TBC1D5: variants seen among roughly 807,000 people sequenced by gnomAD.
The protein encoded by TBC1D5 is TBC1 domain family, member 5.
In TBC1D5, 75 loss-of-function variants were observed where a neutral mutation model predicts 100.3. The ratio of observed to expected loss-of-function variants is 0.75; its 90% CI spans 0.62 to 0.91. The LOEUF (loss-of-function observed/expected upper bound fraction) is 0.91. TBC1D5 is among the 40% of genes least tolerant of loss of function. The pLI, the probability that TBC1D5 is intolerant of heterozygous loss-of-function variation, is 0.00. For synonymous variants in TBC1D5, 323 were observed against 325.6 expected, an observed-to-expected ratio of 0.99 and a Z score of 0.09; for missense variants, 910 against 942.4, an observed-to-expected ratio of 0.97 and a Z score of 0.45.
At chr3:17,559,885 G>A (rs891465286) in intron 2 of TBC1D5, among the ~76,000 whole-genome samples, 16 of 152,066 alleles carry the variant, frequency 1.1e-4, no homozygotes, top group Admixed American at 7.2e-4. Context: ...CACCGCGCCC[G>A]GCCAAATCTA....
At chr3:17,706,869 T>A (rs4909011) in intron 1 of TBC1D5, among the ~76,000 whole-genome samples, 2,940 of 151,062 alleles carry the variant, frequency 0.019, 60 homozygotes, top group South Asian at 0.071. Context: ...CTTTTTTTTT[T>A]AAAAAAAGTC....
In TBC1D5 at chr3:17,223,334, C is replaced by T. The variant is rs556806587; in HGVS notation, c.1589-8964G>A. On this transcript the variant is annotated intron_variant, in intron 17 of 21. Transcript: ENST00000253692. The stretch of plus-strand genomic sequence containing the variant: ...ATTTCCCTAGTTTGCCTATTCCCCC[C>T]GCAAAAAAGTCAGAAAATTAGAATA... 3.9e-5 allele frequency among the ~76,000 whole-genome samples: 6 copies of T among 152,100 alleles called. No individual in the cohort carries two copies. The South Asian group carries it at 1.0e-3, about 26-fold the overall frequency.
chr3:17,289,412 C>A lies in TBC1D5; in HGVS notation c.1245+2483G>T, dbSNP rs958209893. 6.6e-5 allele frequency among the ~76,000 whole-genome samples: 10 copies of A among 151,968 alleles called. No individual in the cohort carries two copies. In the East Asian group the frequency reaches 1.7e-3, roughly 26 times the overall value. ...GGCAGAGTGACTGAGAGAGATCCTG[C>A]GTCAATTCAAAGTCAGTTCTTGACC... On this transcript the variant is annotated intron_variant, in intron 15 of 21. Transcript: ENST00000253692.
intron 16 of TBC1D5, among the ~76,000 whole-genome samples, chr3:17,242,870 C>T (rs1017306755): frequency 1.3e-5 from 2 of 152,018 alleles, no homozygotes; most frequent in Non-Finnish European, 2.9e-5. Context: ...AAATGAATAT[C>T]TTTTATTACA....
At chr3:17,615,705 T>G (rs900475625) in intron 2 of TBC1D5, among the ~76,000 whole-genome samples, 2 of 152,222 alleles carry the variant, frequency 1.3e-5, no homozygotes, top group African/African-American at 4.8e-5. Flanking sequence ...TGATGGTAGT[T>G]TGTATTTCTG....
chr3:17,625,837 A>C (rs1452818185), intron 1 of TBC1D5, among the ~76,000 whole-genome samples: 1 of 152,092 alleles, frequency 6.6e-6, no homozygotes, highest in African/African-American at 2.4e-5. Flanking sequence ...TCTCCTACAG[A>C]AGATAGCTTT....
chr3:17,499,886 A>G (rs1181016113), intron 3 of TBC1D5, among the ~76,000 whole-genome samples: 1 of 149,314 alleles, frequency 6.7e-6, no homozygotes, highest in Non-Finnish European at 1.5e-5. Flanking sequence ...AAGACCAATC[A>G]ACCAAAACTA....
intron 16 of TBC1D5, among the ~76,000 whole-genome samples, chr3:17,250,558 G>C (rs568098074): frequency 1.3e-5 from 2 of 152,176 alleles, no homozygotes; most frequent in Non-Finnish European, 2.9e-5. Context: ...AGCCATACCG[G>C]CCTGCTTACT....
At chr3:17,709,718 T>C (rs1458283252) in intron 1 of TBC1D5, among the ~76,000 whole-genome samples, 1 of 152,158 alleles carries the variant, frequency 6.6e-6, no homozygotes, top group Non-Finnish European at 1.5e-5. Context: ...GACCTTATTG[T>C]AGCTTAAAAA....
At chr3:17,613,807 G>A (rs560255399) in intron 2 of TBC1D5, among the ~76,000 whole-genome samples, 1 of 152,194 alleles carries the variant, frequency 6.6e-6, no homozygotes, top group South Asian at 2.1e-4. Flanking sequence ...GATGGGTGGA[G>A]TGTAAAAATT....
At chr3:17,234,266 T>C (rs189819620) in intron 17 of TBC1D5, among the ~76,000 whole-genome samples, 165 of 152,272 alleles carry the variant, frequency 1.1e-3, no homozygotes, top group African/African-American at 3.8e-3. Context: ...CCACATGTAC[T>C]TATAAATGTC....
At chr3:17,665,536 C>A (rs1001561441) in intron 1 of TBC1D5, among the ~76,000 whole-genome samples, 1 of 152,154 alleles carries the variant, frequency 6.6e-6, no homozygotes, top group Non-Finnish European at 1.5e-5. Context: ...TCTTAATACA[C>A]TATAAGTATT....
chr3:17,309,082 T>A (rs987731012), intron 13 of TBC1D5, among the ~76,000 whole-genome samples: 5 of 152,020 alleles, frequency 3.3e-5, no homozygotes, highest in African/African-American at 1.2e-4. Context: ...AATTCCAAAT[T>A]TTTAGCACCA....
intron 2 of TBC1D5, among the ~76,000 whole-genome samples, chr3:17,530,803 C>T (rs367605826): frequency 8.5e-5 from 13 of 152,134 alleles, no homozygotes; most frequent in East Asian, 3.9e-4. Flanking sequence ...CTAAAAACTC[C>T]CAATAAATTA....
intron 3 of TBC1D5, among the ~76,000 whole-genome samples, chr3:17,496,963 T>C (rs1256662520): frequency 6.6e-6 from 1 of 152,112 alleles, no homozygotes; most frequent in East Asian, 1.9e-4. Context: ...CTGTCACCCA[T>C]GGTAGCCCAG....
chr3:17,610,475 C>T (rs2061599091), intron 2 of TBC1D5, among the ~76,000 whole-genome samples: 1 of 152,122 alleles, frequency 6.6e-6, no homozygotes, highest in Non-Finnish European at 1.5e-5. Context: ...GCATGAGCCA[C>T]TGCGCCCAGC....
chr3:17,660,710 T>A (rs1221779632), intron 1 of TBC1D5, among the ~76,000 whole-genome samples: 3 of 152,212 alleles, frequency 2.0e-5, no homozygotes, highest in Non-Finnish European at 2.9e-5. Context: ...ACCTTGCTCA[T>A]ATAGTGCTTG....
At chr3:17,161,158 G>A (rs2065992844) in exon 22 of TBC1D5, 1 of 1,614,112 alleles carries the variant, frequency 6.2e-7, no homozygotes, top group Admixed American at 1.7e-5. Flanking sequence ...CCTGGCCGGA[G>A]AAGGAGCCCC....
intron 2 of TBC1D5, among the ~76,000 whole-genome samples, chr3:17,555,619 A>C (rs1027646607): frequency 6.6e-6 from 1 of 152,228 alleles, no homozygotes; most frequent in Non-Finnish European, 1.5e-5. Flanking sequence ...GATTCTATTC[A>C]GAATGTAAAC....
Sources: gnomAD v4.1 joint callset for allele counts (sites outside exome capture counted in the v4.1 genomes callset) on GRCh38, gnomAD v4.1.1 for gene constraint, MANE v1.5 for transcripts, NCBI Gene and HGNC (gene_info 2026-07-23, HGNC 2026-07-21) for gene names.